The following DIS3L2 variants were observed in gnomAD, a reference collection of about 807,000 sequenced individuals.
DIS3L2 encodes DIS3 like 3'-5' exoribonuclease 2.
In DIS3L2, 34 loss-of-function variants were observed where a neutral mutation model predicts 97.5. That is an observed-to-expected ratio of 0.35 (90% CI 0.27 to 0.46). The LOEUF (loss-of-function observed/expected upper bound fraction) is 0.46. DIS3L2 is among the 20% of genes least tolerant of loss of function. The pLI, the probability that DIS3L2 is intolerant of heterozygous loss-of-function variation, is 1.00. For missense variants in DIS3L2, 1,038 were observed against 1,146.0 expected, an observed-to-expected ratio of 0.91 and a Z score of 1.36; for synonymous variants, 435 against 445.2, an observed-to-expected ratio of 0.98 and a Z score of 0.29.
At chr2:232,266,398 C>T (rs921188150) in intron 13 of DIS3L2, among the ~76,000 whole-genome samples, 1 of 151,766 alleles carries the variant, frequency 6.6e-6, no homozygotes, top group Admixed American at 6.6e-5. Flanking sequence ...ACTTTGCCTT[C>T]ATTTACACCA....
chr2:232,219,299 T>A (rs1385246096), intron 10 of DIS3L2, among the ~76,000 whole-genome samples: 2 of 152,220 alleles, frequency 1.3e-5, no homozygotes, highest in Non-Finnish European at 2.9e-5. Flanking sequence ...ACTTCCTGAG[T>A]ACCTTGGATA....
At chr2:232,124,987 T>C (rs1397417861) in intron 6 of DIS3L2, among the ~76,000 whole-genome samples, 3 of 152,244 alleles carry the variant, frequency 2.0e-5, no homozygotes, top group Non-Finnish European at 4.4e-5. Flanking sequence ...CTTCAGAATG[T>C]CATATGAGGC....
At chr2:232,000,572 T>C (rs779826575) in intron 1 of DIS3L2, among the ~76,000 whole-genome samples, 23 of 132,504 alleles carry the variant, frequency 1.7e-4, no homozygotes, top group Non-Finnish European at 3.1e-4. Context: ...GGTTCATCCA[T>C]GTTGTTGCAA....
chr2:232,169,840 G>A (rs183139088), intron 9 of DIS3L2, among the ~76,000 whole-genome samples: 1 of 152,292 alleles, frequency 6.6e-6, no homozygotes, highest in Admixed American at 6.5e-5. Flanking sequence ...AATTATGTCA[G>A]TAAAATTCCA....
intron 14 of DIS3L2, among the ~76,000 whole-genome samples, chr2:232,316,908 G>A (rs1695291637): frequency 6.6e-6 from 1 of 152,184 alleles, no homozygotes; most frequent in Non-Finnish European, 1.5e-5. Context: ...CCATTGTTGT[G>A]ATTTTTCATT....
chr2:232,045,670 C>CTTT (rs35019734), intron 5 of DIS3L2, among the ~76,000 whole-genome samples: 2,142 of 98,972 alleles, frequency 0.022, 98 homozygotes, highest in Non-Finnish European at 0.026. Flanking sequence ...AAAGGCCTCA[C>CTTT]TTTTTTTTTT....
intron 9 of DIS3L2, among the ~76,000 whole-genome samples, chr2:232,168,060 A>G (rs1387775061): frequency 2.0e-5 from 3 of 152,186 alleles, no homozygotes; most frequent in African/African-American, 7.2e-5. Flanking sequence ...AAAAATAAAA[A>G]TAAATAAAAA....
At chr2:232,332,232 G>T (rs1402351318) in intron 16 of DIS3L2, among the ~76,000 whole-genome samples, 1 of 151,580 alleles carries the variant, frequency 6.6e-6, no homozygotes, top group East Asian at 2.0e-4. Flanking sequence ...ACATGTCTGG[G>T]AGTGGAGGCT....
intron 6 of DIS3L2, among the ~76,000 whole-genome samples, chr2:232,091,334 CCTT>C (rs1446970270): frequency 6.6e-6 from 1 of 152,316 alleles, no homozygotes; most frequent in African/African-American, 2.4e-5. Flanking sequence ...TGGTAATCAT[CCTT>C]CTACTCTCTA....
chr2:232,155,144 T>A (rs557126696), intron 8 of DIS3L2, among the ~76,000 whole-genome samples: 1 of 151,398 alleles, frequency 6.6e-6, no homozygotes, highest in South Asian at 2.1e-4. Flanking sequence ...CAGATGGAAA[T>A]GCAGAAATCA....
At chr2:231,968,817 T>G (rs1031146545) in intron 1 of DIS3L2, among the ~76,000 whole-genome samples, 2 of 152,206 alleles carry the variant, frequency 1.3e-5, no homozygotes, top group Non-Finnish European at 2.9e-5. Context: ...ATTTCATAGT[T>G]TTTGGTGCTA....
chr2:232,336,166 C>T, intron 20 of DIS3L2: 1 of 1,533,378 alleles, frequency 6.5e-7, no homozygotes, highest in Non-Finnish European at 8.8e-7. Flanking sequence ...CTGATGAAAG[C>T]TATGAGTTTA....
intron 5 of DIS3L2, among the ~76,000 whole-genome samples, chr2:232,080,769 C>T (rs1387720857): frequency 2.0e-5 from 3 of 151,758 alleles, no homozygotes; most frequent in South Asian, 2.1e-4. Flanking sequence ...GGTATGGTGG[C>T]GTGTGCCTGT....
At chr2:232,108,689 G>A (rs750478870) in intron 6 of DIS3L2, among the ~76,000 whole-genome samples, 9 of 152,212 alleles carry the variant, frequency 5.9e-5, no homozygotes, top group Non-Finnish European at 1.2e-4. Context: ...TTCTTAAGCT[G>A]ATAAGCAACT....
chr2:232,095,795 A>G (rs1192513827), intron 6 of DIS3L2, among the ~76,000 whole-genome samples: 2 of 151,618 alleles, frequency 1.3e-5, no homozygotes, highest in Non-Finnish European at 2.9e-5. Flanking sequence ...GAAAGTCTTT[A>G]TTTCTCCTTG....
intron 3 of DIS3L2, among the ~76,000 whole-genome samples, chr2:232,019,492 A>G (rs942707243): frequency 4.6e-5 from 7 of 151,596 alleles, no homozygotes; most frequent in Non-Finnish European, 1.0e-4. Flanking sequence ...AGGCTATGGT[A>G]GGTAAGTCAT....
chr2:232,255,740 CTG>C lies in DIS3L2; in HGVS notation c.1425+6397_1425+6398del, dbSNP rs997946796. 1.6e-4 allele frequency among the ~76,000 whole-genome samples: 25 copies of C among 152,170 alleles called. 1 individual carries two copies. Among genetic ancestry groups the C allele is most frequent in the African/African-American group, 6.0e-4 (25 of 41,458 alleles). Reference sequence around the variant, plus strand: ...ATTAGCTATCCTCAGTTTGCGTCTCCTGTGACATCCCTGCTGTGTGCTGTACA... The same window carrying C: ...ATTAGCTATCCTCAGTTTGCGTCTCCTGACATCCCTGCTGTGTGCTGTACA... On this transcript the variant is annotated intron_variant, in intron 12 of 20. Transcript: ENST00000325385.
At chr2:232,308,753 A>G (rs752652469) in intron 14 of DIS3L2, among the ~76,000 whole-genome samples, 1 of 152,136 alleles carries the variant, frequency 6.6e-6, no homozygotes, top group African/African-American at 2.4e-5. Flanking sequence ...ACCTGAGCAC[A>G]TAGTTCTTTC....
At chr2:232,270,156 T>C (rs565165205) in intron 13 of DIS3L2, among the ~76,000 whole-genome samples, 2 of 152,266 alleles carry the variant, frequency 1.3e-5, no homozygotes, top group African/African-American at 2.4e-5. Flanking sequence ...AGAGAGATGA[T>C]GATTTCCATA....
Sources: gnomAD v4.1 joint callset for allele counts (sites outside exome capture counted in the v4.1 genomes callset) on GRCh38, gnomAD v4.1.1 for gene constraint, MANE v1.5 for transcripts, NCBI Gene and HGNC (gene_info 2026-07-23, HGNC 2026-07-21) for gene names.